The following KRT20 variants were observed in gnomAD, a reference collection of about 807,000 sequenced individuals.
KRT20 encodes keratin 20.
KRT20 carries 41 observed loss-of-function variants against 43.0 expected under a neutral mutation model. The observed-to-expected ratio is 0.95, with a 90% confidence interval of 0.74 to 1.24. The LOEUF is 1.24. KRT20 is among the 50% of genes most tolerant of loss of function. The probability of loss-of-function intolerance (pLI) is 0.00; values close to 1 mark genes in which losing one functional copy is unlikely to be tolerated. For missense variants in KRT20, 533 were observed against 521.2 expected, an observed-to-expected ratio of 1.02 and a Z score of -0.22; for synonymous variants, 207 against 200.6, an observed-to-expected ratio of 1.03 and a Z score of -0.27.
Position 40,880,242 on chromosome 17 carries a change from TTGTGTAGGCC to T in KRT20, c.640_649del (p.Gly214SerfsTer17). The T allele has an allele frequency of 6.2e-7, 1 of 1,603,876 alleles. No homozygotes were observed. Among genetic ancestry groups the T allele is most frequent in the South Asian group, 1.1e-5 (1 of 90,068 alleles). ...CACATTGACAGTGTTGCCCAGATGC[TTGTGTAGGCC>T]ATCGACTTCCTATGAAAGTGAAATT... On this transcript the variant is annotated frameshift_variant, in exon 4 of 8. Transcript: ENST00000167588. LOFTEE classifies it high-confidence loss of function.
rs1355767137 is a variant in KRT20 at position 40,884,834 on chromosome 17, T to G, written c.352A>C (p.Ser118Arg). ...TNAPRAGRDY[S>R]AYYRQIEELR... is the part of the protein sequence containing the mutation. The stretch of plus-strand genomic sequence containing the variant: ...TCTTCAATTTGTCTGTAATATGCAC[T>G]GTAGTCGCGACCAGCCCTCGGGGCG... Residue 118 changes from serine (S) to arginine (R), a missense_variant, in exon 1 of 8, where the codon AGT (serine) becomes CGT (arginine). Transcript: ENST00000167588. The G allele has an allele frequency of 6.2e-7, 1 of 1,614,088 alleles. No individual in the cohort carries two copies. Among genetic ancestry groups the G allele is most frequent in the Non-Finnish European group, 8.5e-7 (1 of 1,180,038 alleles).
chr17:40,880,670 T>A lies in KRT20; in HGVS notation c.574A>T (p.Ile192Phe). 6.2e-7 allele frequency: 1 copy of A among 1,612,784 alleles called. No homozygotes were observed. Residue 192 changes from isoleucine to phenylalanine, a missense_variant, in exon 3 of 8, where the codon ATT (isoleucine) becomes TTT (phenylalanine). Transcript: ENST00000167588. ...TCTTTATTCAGTTCTTCAATTTGAA[T>A]CTCCAAATCTGTTTTATGTAGGGTT... The part of the protein sequence containing the change: ...DLTLHKTDLE[I>F]QIEELNKDLA...
chr17:40,880,752 T>C lies in KRT20; in HGVS notation c.492A>G (p.Gly164=), dbSNP rs1907561634. The change falls in exon 3 of 8, where the codon GGA becomes GGG. Residue 164 remains glycine (G), a synonymous_variant. Coordinates refer to ENST00000167588, the MANE Select transcript of KRT20 (RefSeq NM_019010.3). ...DFRLKYETER[G]IRLTVEADLQ... The stretch of plus-strand genomic sequence containing the variant: ...GATCAGCTTCCACTGTTAGACGTAT[T>C]CCTCTCTCAGTCTCATACCTGTGAA... The C allele has an allele frequency of 6.4e-7, 1 of 1,560,516 alleles. No homozygotes were observed. Among genetic ancestry groups the C allele is most frequent in the African/African-American group, 1.4e-5 (1 of 72,934 alleles).
chr17:40,882,689 T>TTTTTTTTA (rs149855322), intron 1 of KRT20, 35 bp from the exon 2 acceptor site: 51 of 530,980 alleles, frequency 9.6e-5, no homozygotes, highest in African/African-American at 4.5e-4. Flanking sequence ...ACATTTTCTT[T>TTTTTTTTA]TTTATTTATT....
intron 5 of KRT20, among the ~76,000 whole-genome samples, chr17:40,878,813 T>C (rs1286603343): frequency 6.6e-6 from 1 of 151,570 alleles, no homozygotes; most frequent in South Asian, 2.1e-4. Context: ...TTTTTCTTTT[T>C]TTTTTTGGGA....
At chr17:40,884,464 G>T (rs28376496) in intron 1 of KRT20, among the ~76,000 whole-genome samples, 8,614 of 152,202 alleles carry the variant, frequency 0.057, 296 homozygotes, top group African/African-American at 0.076. Flanking sequence ...GATTTATCAC[G>T]TAATTAATTT....
In KRT20 at chr17:40,885,208, C is replaced by T. The variant is rs761316250; in HGVS notation, c.-23G>A. 3.8e-6 allele frequency: 6 copies of T among 1,569,640 alleles called. No individual in the cohort carries two copies. The highest frequency in any genetic ancestry group is 3.6e-5 in the Admixed American group (2 of 56,096). On this transcript the variant is annotated 5_prime_UTR_variant, in exon 1 of 8. Transcript: ENST00000167588. ...CATTGGAGATTCCAGGAGGGAGCACCTGTAGCTTCAGGATGGTTGGGGCAG... is the reference window on the plus strand; with the variant it reads ...CATTGGAGATTCCAGGAGGGAGCACTTGTAGCTTCAGGATGGTTGGGGCAG...
Position 40,884,904 on chromosome 17 carries a change from G to A in KRT20, c.282C>T (p.Ser94=). The change falls in exon 1 of 8, where the codon TCC becomes TCT. Residue 94 remains serine, a synonymous_variant. Transcript: ENST00000167588. ...YLEKVRTLEQ[S]NSKLEVQIKQ... is the part of the protein sequence containing the mutation. ...TGATTTGCACTTCAAGTTTGGAGTT[G>A]GACTGCTCCAGGGTCCGCACCTTTT... The A allele has an allele frequency of 6.2e-7, 1 of 1,614,186 alleles. No homozygotes were observed. The highest frequency in any genetic ancestry group is 8.5e-7 in the Non-Finnish European group (1 of 1,180,038).
At chr17:40,882,325 T>C (rs1217011477) in intron 2 of KRT20, 3 of 225,860 alleles carry the variant, frequency 1.3e-5, no homozygotes, top group Non-Finnish European at 2.7e-5. Context: ...TAGCAACCAG[T>C]AATAACCAAG....
intron 6 of KRT20, 99 bp downstream of exon 6, chr17:40,878,046 C>G: frequency 9.6e-7 from 1 of 1,043,490 alleles, no homozygotes; most frequent in Non-Finnish European, 1.5e-6. Context: ...TTGCTTCTGT[C>G]CTAGGGATTG....
intron 5 of KRT20, among the ~76,000 whole-genome samples, chr17:40,879,377 T>C (rs1907486500): frequency 1.3e-5 from 2 of 152,136 alleles, no homozygotes. Context: ...TACAGGGGAA[T>C]AGCAGACATG....
At chr17:40,883,140 A>G (rs1555554042) in intron 1 of KRT20, among the ~76,000 whole-genome samples, 1 of 152,246 alleles carries the variant, frequency 6.6e-6, no homozygotes, top group Non-Finnish European at 1.5e-5. Context: ...AAATAATGAC[A>G]TAGTTATTTA....
intron 1 of KRT20, among the ~76,000 whole-genome samples, chr17:40,882,962 G>A (rs945612840): frequency 1.3e-5 from 2 of 151,722 alleles, no homozygotes; most frequent in African/African-American, 2.4e-5. Flanking sequence ...TGCCTGCCTC[G>A]GCCTCCCAAA....
chr17:40,876,664 T>A (rs1008183506), intron 7 of KRT20, among the ~76,000 whole-genome samples: 1 of 152,198 alleles, frequency 6.6e-6, no homozygotes, highest in Non-Finnish European at 1.5e-5. Flanking sequence ...AATGTCCTAC[T>A]CTTAAAAATT....
intron 7 of KRT20, among the ~76,000 whole-genome samples, chr17:40,876,949 G>A (rs1907372859): frequency 6.6e-6 from 1 of 152,178 alleles, no homozygotes; most frequent in South Asian, 2.1e-4. Flanking sequence ...AATCCCCAAT[G>A]TAACAGTGTT....
intron 1 of KRT20, 32 bp downstream of exon 1, chr17:40,884,764 A>G: frequency 6.3e-7 from 1 of 1,587,332 alleles, no homozygotes. Flanking sequence ...GAAGCTAAAC[A>G]CAGAGTAGGA....
chr17:40,878,149 C>T lies in KRT20; in HGVS notation c.1135G>A (p.Val379Ile), dbSNP rs201795565. The T allele has an allele frequency of 4.3e-5, 69 of 1,612,684 alleles. No individual in the cohort carries two copies. Among genetic ancestry groups the T allele is most frequent in the East Asian group, 2.7e-4 (12 of 44,880 alleles). The change falls in exon 6 of 8, where the codon GTA (valine) becomes ATA (isoleucine). Residue 379 changes from valine (V) to isoleucine (I), a missense_variant. Transcript: ENST00000167588. Reference sequence around the variant, plus strand: ...CCTTGATTCTAAGAGCCTTACTTTACGTCTTCTCCTTCCAGAAGGCGGCGG... The same window carrying T: ...CCTTGATTCTAAGAGCCTTACTTTATGTCTTCTCCTTCCAGAAGGCGGCGG... ...TYRRLLEGED[V>I]KTTEYQLSTL...
chr17:40,876,241 T>A lies in KRT20; in HGVS notation c.*120A>T. The A allele has an allele frequency of 5.0e-4, 254 of 512,576 alleles. No homozygotes were observed. The highest frequency in any genetic ancestry group is 6.2e-4 in the Non-Finnish European group (170 of 275,528). 31.8% of individuals were successfully genotyped at this position (512,576 alleles called of 1,614,324 possible). A position where few individuals can be genotyped will look rare whatever the true frequency, so the allele number is the denominator to read the frequency against. ...AATAGGATTCCCGCCACCCCACCCC[T>A]TCTAATCACTGCAGAGTATTAATAG... On this transcript the variant is annotated 3_prime_UTR_variant, in exon 8 of 8. Transcript: ENST00000167588.
At position 40,884,994 on chromosome 17, in the gene KRT20, G is replaced by T. The variant is rs755778184; in HGVS notation, c.192C>A (p.Asp64Glu). ...NYGSDLTGGG[D>E]LFVGNEKMAM... ...CCATTTTCTCATTGCCAACAAACAG[G>T]TCCCCGCCGCCTGTGAGATCGCTCC... The change falls in exon 1 of 8, where the codon GAC becomes GAA. Residue 64 changes from aspartate (D) to glutamate (E), a missense_variant. Asp to Glu is a conservative substitution (Grantham distance 45). Coordinates refer to ENST00000167588, the MANE Select transcript of KRT20 (RefSeq NM_019010.3). 6.2e-7 allele frequency: 1 copy of T among 1,614,188 alleles called. No homozygotes were observed. The highest frequency in any genetic ancestry group is 8.5e-7 in the Non-Finnish European group (1 of 1,180,038).
Sources: allele counts gnomAD v4.1 joint callset (sites outside exome capture counted in the v4.1 genomes callset), GRCh38; gene constraint gnomAD v4.1.1; transcripts MANE v1.5; gene names NCBI Gene and HGNC (gene_info 2026-07-23, HGNC 2026-07-21).